The following JAM3 variants were observed in gnomAD, a reference collection of about 807,000 sequenced individuals.
JAM3 encodes junctional adhesion molecule C.
A neutral mutation model predicts 39.4 loss-of-function variants in JAM3; 31 were observed. The ratio of observed to expected loss-of-function variants is 0.79; its 90% CI spans 0.59 to 1.06. JAM3 has a LOEUF of 1.06. Ranked by LOEUF, JAM3 falls within the 50% of genes least tolerant of loss-of-function variation. The probability of loss-of-function intolerance (pLI) is 0.00; values close to 1 mark genes in which losing one functional copy is unlikely to be tolerated. For missense variants in JAM3, 455 were observed against 391.4 expected, an observed-to-expected ratio of 1.16 and a Z score of -1.37; for synonymous variants, 182 against 148.7, an observed-to-expected ratio of 1.22 and a Z score of -1.63.
At chr11:134,124,292 C>T in intron 1 of JAM3, 1 of 883,088 alleles carries the variant, frequency 1.1e-6, no homozygotes, top group African/African-American at 1.6e-5. Flanking sequence ...AACGCATGTT[C>T]TCACAGGAAA....
intron 1 of JAM3, among the ~76,000 whole-genome samples, chr11:134,094,027 C>A (rs1457091269): frequency 2.6e-5 from 3 of 113,810 alleles, no homozygotes; most frequent in Admixed American, 8.7e-5. Flanking sequence ...TTCCACCTTA[C>A]ATGTCACTTC....
intron 1 of JAM3, among the ~76,000 whole-genome samples, chr11:134,135,129 CTTAAAT>C (rs952335954): frequency 3.3e-5 from 5 of 152,052 alleles, no homozygotes; most frequent in Non-Finnish European, 7.4e-5. Flanking sequence ...AGTTTTAGCT[CTTAAAT>C]TTAATAGTTT....
chr11:134,131,022 T>TA (rs1942759183), intron 1 of JAM3, among the ~76,000 whole-genome samples: 1 of 152,066 alleles, frequency 6.6e-6, no homozygotes, highest in African/African-American at 2.4e-5. Flanking sequence ...CTTAGGAAAT[T>TA]ACGACTCTCA....
At position 134,089,997 on chromosome 11, in the gene JAM3, C is replaced by T. The variant is rs983959826; in HGVS notation, c.76+20838C>T. ...TGTTTCCTGACTTTTTAATGATCGC[C>T]ATTCTAACTGGTGTGAGATGGTATC... On this transcript the variant is annotated intron_variant, in intron 1 of 8. Coordinates refer to ENST00000299106, the MANE Select transcript of JAM3 (RefSeq NM_032801.5). Among the ~76,000 whole-genome samples the T allele has an allele frequency of 5.3e-5, 8 of 152,326 alleles. No individual in the cohort carries two copies. The East Asian group carries it at 1.3e-3, about 26-fold the overall frequency.
intron 1 of JAM3, 115 bp downstream of exon 1, chr11:134,069,274 CTCCCGGGG>C (rs1941447542): frequency 7.2e-7 from 1 of 1,396,712 alleles, no homozygotes; most frequent in Non-Finnish European, 9.7e-7. Flanking sequence ...GCTCCGAGGG[CTCCCGGGG>C]TCCCGGGCCG....
At chr11:134,088,861 C>A (rs1177286733) in intron 1 of JAM3, among the ~76,000 whole-genome samples, 2 of 152,220 alleles carry the variant, frequency 1.3e-5, no homozygotes, top group East Asian at 3.8e-4. Flanking sequence ...GCAATCTCAG[C>A]TCACTGCAAC....
Position 134,147,993 on chromosome 11 carries a change from G to A in JAM3, c.713-554G>A, listed in dbSNP as rs566155416. 18 of 174,258 alleles carry A rather than the reference G, an allele frequency of 1.0e-4. No individual in the cohort carries two copies. In the East Asian group the frequency reaches 2.7e-3, roughly 26 times the overall value. The allele number at this position is 174,258 out of a possible 1,614,324, so 10.8% of individuals were successfully genotyped here. On this transcript the variant is annotated intron_variant, in intron 6 of 8. Coordinates refer to ENST00000299106, the MANE Select transcript of JAM3 (RefSeq NM_032801.5). ...GCCCAGTGTATAGACATGAGAAAAG[G>A]GTTCCAGGGGGTTTCCTCTCAGAGG...
At chr11:134,098,824 G>T (rs1942027878) in intron 1 of JAM3, among the ~76,000 whole-genome samples, 1 of 152,160 alleles carries the variant, frequency 6.6e-6, no homozygotes, top group African/African-American at 2.4e-5. Flanking sequence ...CAGCTAGCAT[G>T]TTTCCCACTA....
At chr11:134,134,398 C>CAAAAGAAAAAAAAAAAAAAA (rs1942823240) in intron 1 of JAM3, among the ~76,000 whole-genome samples, 1 of 31,922 alleles carries the variant, frequency 3.1e-5, no homozygotes, top group Non-Finnish European at 5.5e-5. Flanking sequence ...GGATAAATGC[C>CAAAAGAAAAAAAAAAAAAAA]AAAAAAAAAA....
chr11:134,114,608 C>G (rs926485960), intron 1 of JAM3, among the ~76,000 whole-genome samples: 1 of 152,182 alleles, frequency 6.6e-6, no homozygotes, highest in African/African-American at 2.4e-5. Context: ...TCTTCTTTGA[C>G]TTACAGATTA....
intron 1 of JAM3, among the ~76,000 whole-genome samples, chr11:134,075,748 T>C (rs1003086715): frequency 2.0e-5 from 3 of 152,182 alleles, no homozygotes; most frequent in Non-Finnish European, 4.4e-5. Flanking sequence ...TCAGTTATTC[T>C]ACTTGTTATA....
At chr11:134,093,675 C>G (rs1253319759) in intron 1 of JAM3, among the ~76,000 whole-genome samples, 1 of 125,362 alleles carries the variant, frequency 8.0e-6, no homozygotes, top group African/African-American at 3.1e-5. Context: ...CTCCTGAGCC[C>G]TCCTTATTCA....
chr11:134,143,031 A>AT (rs1311268205), intron 3 of JAM3, among the ~76,000 whole-genome samples: 1 of 152,146 alleles, frequency 6.6e-6, no homozygotes, highest in Non-Finnish European at 1.5e-5. Context: ...CTTTTTGGCT[A>AT]TTATCAGTAA....
At chr11:134,112,726 G>A (rs1049715812) in intron 1 of JAM3, among the ~76,000 whole-genome samples, 19 of 152,164 alleles carry the variant, frequency 1.2e-4, no homozygotes, top group Admixed American at 1.0e-3. Context: ...AATTGGTACC[G>A]GTGGAGGAGA....
intron 1 of JAM3, among the ~76,000 whole-genome samples, chr11:134,103,382 C>T (rs543388798): frequency 6.6e-6 from 1 of 152,152 alleles, no homozygotes; most frequent in Admixed American, 6.5e-5. Context: ...TGGAAAGGAA[C>T]AACCAGTACC....
rs142311708 is a variant in JAM3, at chr11:134,107,398, G to A, written c.77-32453G>A. Among the ~76,000 whole-genome samples the A allele has an allele frequency of 1.6e-3, 247 of 152,128 alleles. 5 individuals are homozygous for A. In the East Asian group the frequency reaches 0.042, roughly 26 times the overall value. Reference sequence around the variant, plus strand: ...CCTAATGTAAATGACGAGTTAATGGGTGCAGCACACCAACATGGCACATGT... The same window carrying A: ...CCTAATGTAAATGACGAGTTAATGGATGCAGCACACCAACATGGCACATGT... On this transcript the variant is annotated intron_variant, in intron 1 of 8. Transcript: ENST00000299106.
rs1434621891 is a variant in JAM3 at position 134,135,534 on chromosome 11, C to T, written c.77-4317C>T. Among the ~76,000 whole-genome samples the T allele has an allele frequency of 1.4e-5, 2 of 144,984 alleles. 1 individual carries two copies. The highest frequency in any genetic ancestry group is 5.0e-5 in the African/African-American group (2 of 39,692). On this transcript the variant is annotated intron_variant, in intron 1 of 8. Transcript: ENST00000299106. Reference sequence around the variant, plus strand: ...ATGAGAGCACAGATTTTTATCTATCCTTTTTTTTTTTTCTTTTTTTTGAGA... The same window carrying T: ...ATGAGAGCACAGATTTTTATCTATCTTTTTTTTTTTTTCTTTTTTTTGAGA...
chr11:134,114,298 A>T (rs914951967), intron 1 of JAM3, among the ~76,000 whole-genome samples: 7 of 152,094 alleles, frequency 4.6e-5, no homozygotes, highest in Admixed American at 3.9e-4. Flanking sequence ...GTTTTCTTCT[A>T]GGGTTTTTAT....
chr11:134,104,828 A>G lies in JAM3; in HGVS notation c.77-35023A>G, dbSNP rs1265114629. 2.0e-5 allele frequency among the ~76,000 whole-genome samples: 3 copies of G among 152,180 alleles called. No homozygotes were observed. The East Asian group carries it at 5.8e-4, about 29-fold the overall frequency. On this transcript the variant is annotated intron_variant, in intron 1 of 8. Coordinates refer to ENST00000299106, the MANE Select transcript of JAM3 (RefSeq NM_032801.5). ...AGGAAGAAGTTGAATCCCTGAATAG[A>G]CCAATAACAGGCTCTGAAATTGAGG... is the stretch of plus-strand genomic sequence containing the variant.
Sources: gnomAD v4.1 joint callset for allele counts (sites outside exome capture counted in the v4.1 genomes callset) on GRCh38, gnomAD v4.1.1 for gene constraint, MANE v1.5 for transcripts, NCBI Gene and HGNC (gene_info 2026-07-23, HGNC 2026-07-21) for gene names.